Variants in LMCD1 observed in about 807,000 individuals in gnomAD.
LMCD1 encodes LIM and cysteine-rich domains protein 1.
A neutral mutation model predicts 42.7 loss-of-function variants in LMCD1; 32 were observed. The ratio of observed to expected loss-of-function variants is 0.75; its 90% CI spans 0.57 to 1.01. The LOEUF is 1.01. LMCD1 is among the 50% of genes least tolerant of loss of function. LMCD1 has a pLI of 0.00. For synonymous variants in LMCD1, 178 were observed against 184.9 expected (o/e 0.96, Z 0.30); for missense variants, 458 against 483.1 (o/e 0.95, Z 0.49).
At chr3:8,560,381 C>T (rs1020483713) in intron 4 of LMCD1, among the ~76,000 whole-genome samples, 3 of 152,212 alleles carry the variant, frequency 2.0e-5, no homozygotes, top group Non-Finnish European at 4.4e-5. Context: ...TATCCCCCTC[C>T]TTCCTTCAGT....
At chr3:8,520,614 T>C (rs565547227) in intron 1 of LMCD1, among the ~76,000 whole-genome samples, 1 of 152,320 alleles carries the variant, frequency 6.6e-6, no homozygotes, top group South Asian at 2.1e-4. Flanking sequence ...TTGTGGCTCA[T>C]AGTGATGCTG....
intron 1 of LMCD1, among the ~76,000 whole-genome samples, chr3:8,507,709 G>A (rs989802649): frequency 1.3e-5 from 2 of 152,168 alleles, no homozygotes; most frequent in Non-Finnish European, 1.5e-5. Context: ...TTTTACACAT[G>A]AGTAAGTTAA....
chr3:8,542,277 C>G (rs986966560), intron 3 of LMCD1, among the ~76,000 whole-genome samples: 1 of 152,006 alleles, frequency 6.6e-6, no homozygotes, highest in Non-Finnish European at 1.5e-5. Flanking sequence ...GCTTGGATTA[C>G]AGGCATGAAC....
At position 8,548,594 on chromosome 3, in the gene LMCD1, C is replaced by T. The variant is rs1694780096; in HGVS notation, c.414C>T (p.Pro138=). Residue 138 remains proline, a synonymous_variant, in exon 4 of 6, where the codon CCC becomes CCT. Coordinates refer to ENST00000157600, the MANE Select transcript of LMCD1 (RefSeq NM_014583.4). The part of the protein sequence containing the change: ...KLGLQYMELI[P]KEKQPVTGTE... ...GACTGCAGTACATGGAGCTCATCCC[C>T]AAGGAGAAGCAGCCAGTGACAGGCA... is the stretch of plus-strand genomic sequence containing the variant. 3.1e-6 allele frequency: 5 copies of T among 1,613,434 alleles called. No homozygotes were observed. The African/African-American group carries it at 4.0e-5, about 13-fold the overall frequency.
intron 1 of LMCD1, among the ~76,000 whole-genome samples, chr3:8,530,732 G>C (rs568861789): frequency 6.6e-6 from 1 of 152,214 alleles, no homozygotes; most frequent in Non-Finnish European, 1.5e-5. Flanking sequence ...TTTCAACTAG[G>C]AGAACTGAAG....
chr3:8,521,322 A>T (rs1276575946), intron 1 of LMCD1, among the ~76,000 whole-genome samples: 1 of 152,196 alleles, frequency 6.6e-6, no homozygotes, highest in Non-Finnish European at 1.5e-5. Context: ...CATCACACAG[A>T]TCCAGTCACC....
At position 8,501,891 on chromosome 3, in the gene LMCD1, G is replaced by A. The variant is rs775274979; in HGVS notation, c.-48G>A. 3.2e-6 allele frequency: 5 copies of A among 1,558,692 alleles called. No individual in the cohort carries two copies. In the African/African-American group the frequency reaches 4.2e-5, roughly 13 times the overall value. On this transcript the variant is annotated 5_prime_UTR_variant, in exon 1 of 6. Transcript: ENST00000157600. ...GCCGCTGTCCCCGCTGCGCGCCCTC[G>A]CGCCTCTGCCTGAGAAGCCAGGCGC...
At chr3:8,529,533 G>T (rs775738956) in intron 1 of LMCD1, among the ~76,000 whole-genome samples, 3 of 152,150 alleles carry the variant, frequency 2.0e-5, no homozygotes, top group Non-Finnish European at 4.4e-5. Flanking sequence ...AGATTTTAAC[G>T]TCGATTCTCT....
At chr3:8,505,481 A>G (rs1484449276) in intron 1 of LMCD1, among the ~76,000 whole-genome samples, 1 of 152,228 alleles carries the variant, frequency 6.6e-6, no homozygotes, top group African/African-American at 2.4e-5. Context: ...GAAGTTGCAG[A>G]GAAAATGTAC....
rs184454133 is a variant in LMCD1, at chr3:8,568,478, C to T, written c.*880C>T. 6.6e-6 allele frequency: 1 copy of T among 152,212 alleles called. No homozygotes were observed. Among genetic ancestry groups the T allele is most frequent in the Non-Finnish European group, 1.5e-5 (1 of 68,040 alleles). 9.4% of individuals were successfully genotyped at this position (152,212 alleles called of 1,614,324 possible). A position where few individuals can be genotyped will look rare whatever the true frequency, so the allele number is the denominator to read the frequency against. ...TGGGAAACCACTGAACAGGGGCCAC[C>T]TAAGCTCCACCAATGGGTGCCACAT... is the stretch of plus-strand genomic sequence containing the variant. On this transcript the variant is annotated 3_prime_UTR_variant, in exon 6 of 6. Coordinates refer to ENST00000157600, the MANE Select transcript of LMCD1 (RefSeq NM_014583.4).
Position 8,532,837 on chromosome 3 carries a change from T to C in LMCD1, c.131+12T>C. On this transcript the variant is annotated intron_variant, in intron 2 of 5. Transcript: ENST00000157600. ...CCACATTCATGGAGGTAACAGATTT[T>C]GTCAGGAGGGTCCCTGTCTGCCTTT... 6.2e-7 allele frequency: 1 copy of C among 1,610,466 alleles called. No homozygotes were observed. The highest frequency in any genetic ancestry group is 8.5e-7 in the Non-Finnish European group (1 of 1,176,906).
chr3:8,560,390 G>A (rs766711879), intron 4 of LMCD1, among the ~76,000 whole-genome samples: 2 of 151,848 alleles, frequency 1.3e-5, no homozygotes, highest in Non-Finnish European at 2.9e-5. Context: ...CCTTCCTTCA[G>A]TGTATCATCA....
In LMCD1 at chr3:8,567,647, G is replaced by C. The variant is rs760465256; in HGVS notation, c.*49G>C. 15 of 1,576,532 alleles carry C rather than the reference G, an allele frequency of 9.5e-6. No individual in the cohort carries two copies. In the Admixed American group the frequency reaches 1.4e-4, roughly 15 times the overall value. On this transcript the variant is annotated 3_prime_UTR_variant, in exon 6 of 6. Transcript: ENST00000157600. ...ATCCACAGGATCCCACCGAGAAGGA[G>C]AGCCAGGTGTGCCGAGACCATCCTA...
At chr3:8,555,493 C>T (rs552010572) in intron 4 of LMCD1, among the ~76,000 whole-genome samples, 47 of 152,288 alleles carry the variant, frequency 3.1e-4, no homozygotes, top group African/African-American at 1.1e-3. Context: ...CCCACAGTCC[C>T]GCCACCCCTG....
At chr3:8,537,777 C>T (rs906211033) in intron 3 of LMCD1, among the ~76,000 whole-genome samples, 7 of 152,172 alleles carry the variant, frequency 4.6e-5, no homozygotes, top group Admixed American at 6.5e-5. Flanking sequence ...TGCTTATCTC[C>T]ATCTGCAAGA....
intron 1 of LMCD1, among the ~76,000 whole-genome samples, chr3:8,513,898 A>G (rs1014809864): frequency 6.6e-6 from 1 of 152,120 alleles, no homozygotes; most frequent in African/African-American, 2.4e-5. Flanking sequence ...CAGAAAGAAA[A>G]TATTTGCAGT....
At chr3:8,518,666 G>A (rs1015202846) in intron 1 of LMCD1, among the ~76,000 whole-genome samples, 5 of 152,162 alleles carry the variant, frequency 3.3e-5, no homozygotes, top group Non-Finnish European at 7.4e-5. Flanking sequence ...GTCTATCCAT[G>A]AAGAGATTCC....
At chr3:8,534,754 G>A (rs187288306) in intron 2 of LMCD1, among the ~76,000 whole-genome samples, 11 of 152,278 alleles carry the variant, frequency 7.2e-5, no homozygotes, top group Admixed American at 3.3e-4. Flanking sequence ...TTTTAATACC[G>A]TTGAGGATAT....
intron 3 of LMCD1, among the ~76,000 whole-genome samples, chr3:8,545,539 GTT>G (rs959943980): frequency 1.8e-4 from 28 of 152,286 alleles, no homozygotes; most frequent in African/African-American, 6.3e-4. Flanking sequence ...AATCCCAGTT[GTT>G]TATCTCACTA....
Sources: allele counts gnomAD v4.1 joint callset (sites outside exome capture counted in the v4.1 genomes callset), GRCh38; gene constraint gnomAD v4.1.1; transcripts MANE v1.5; gene names NCBI Gene and HGNC (gene_info 2026-07-23, HGNC 2026-07-21).